The following PIGL variants were observed in gnomAD, a reference collection of about 807,000 sequenced individuals.
PIGL encodes the protein N-acetylglucosaminyl-phosphatidylinositol de-N-acetylase.
Under a neutral mutation model 31.1 loss-of-function variants are expected in PIGL, and 22 were observed. The ratio of observed to expected loss-of-function variants is 0.71; its 90% CI spans 0.51 to 1.01. The LOEUF is 1.01. Among genes scored for constraint, PIGL ranks in the 50% least tolerant of loss-of-function variants. The probability of loss-of-function intolerance (pLI) is 0.00; values close to 1 mark genes in which losing one functional copy is unlikely to be tolerated. For missense variants in PIGL, 302 were observed against 315.9 expected, an observed-to-expected ratio of 0.96 and a Z score of 0.33; for synonymous variants, 131 against 117.4, an observed-to-expected ratio of 1.12 and a Z score of -0.75.
intron 4 of PIGL, among the ~76,000 whole-genome samples, chr17:16,315,860 G>A (rs1015978063): frequency 6.6e-6 from 1 of 151,472 alleles, no homozygotes; most frequent in Non-Finnish European, 1.5e-5. Flanking sequence ...ACCACGCCCG[G>A]TTAATTTTTG....
chr17:16,259,245 A>G (rs1461341443), intron 2 of PIGL, among the ~76,000 whole-genome samples: 1 of 151,980 alleles, frequency 6.6e-6, no homozygotes, highest in East Asian at 1.9e-4. Flanking sequence ...TTTCTTTTAA[A>G]TAATACATTC....
intron 2 of PIGL, among the ~76,000 whole-genome samples, chr17:16,263,519 G>GTT (rs142684710): frequency 6.7e-6 from 1 of 148,842 alleles, no homozygotes; most frequent in African/African-American, 2.5e-5. Context: ...TTTTGTTTAG[G>GTT]TTTTTTTTTG....
intron 2 of PIGL, among the ~76,000 whole-genome samples, chr17:16,252,560 A>C (rs964120723): frequency 6.7e-6 from 1 of 149,898 alleles, no homozygotes; most frequent in East Asian, 1.9e-4. Flanking sequence ...TTACTTTAAA[A>C]GTTATATACA....
chr17:16,234,484 C>T (rs2092691682), intron 2 of PIGL, among the ~76,000 whole-genome samples: 1 of 151,942 alleles, frequency 6.6e-6, no homozygotes, highest in African/African-American at 2.4e-5. Context: ...AACTTCACAG[C>T]GGGGCACAGT....
intron 2 of PIGL, among the ~76,000 whole-genome samples, chr17:16,259,383 C>T (rs79555752): frequency 6.6e-6 from 1 of 150,452 alleles, no homozygotes; most frequent in Non-Finnish European, 1.5e-5. Flanking sequence ...CTCTTTTCAA[C>T]AAATGGTGAT....
chr17:16,227,649 C>T (rs1389989443), intron 1 of PIGL, among the ~76,000 whole-genome samples: 3 of 133,544 alleles, frequency 2.2e-5, no homozygotes, highest in African/African-American at 8.7e-5. Context: ...GGCATGATCT[C>T]GGCTCACTGC....
At chr17:16,285,769 T>C (rs2092934894) in intron 2 of PIGL, among the ~76,000 whole-genome samples, 3 of 150,496 alleles carry the variant, frequency 2.0e-5, no homozygotes, top group Non-Finnish European at 2.9e-5. Flanking sequence ...CAGATCGCCT[T>C]TTCCTTCTCT....
chr17:16,218,023 ACCT>A (rs2092603159), intron 1 of PIGL: 1 of 152,384 alleles, frequency 6.6e-6, no homozygotes, highest in South Asian at 2.1e-4. Flanking sequence ...CAGTGAAGGA[ACCT>A]TTCAAATAAT....
chr17:16,217,714 C>T, intron 1 of PIGL: 3 of 494,624 alleles, frequency 6.1e-6, no homozygotes, highest in Non-Finnish European at 3.6e-6. Context: ...TGGTTGTATT[C>T]AGTACCTGCA....
intron 1 of PIGL, among the ~76,000 whole-genome samples, chr17:16,227,578 C>CTTTTTTTTT: frequency 9.7e-6 from 1 of 103,196 alleles, no homozygotes; most frequent in Non-Finnish European, 1.9e-5. Context: ...ATTTTCTTTT[C>CTTTTTTTTT]TTTTTTTTTT....
intron 2 of PIGL, among the ~76,000 whole-genome samples, chr17:16,263,752 A>T (rs554816988): frequency 6.7e-6 from 1 of 148,782 alleles, no homozygotes; most frequent in Admixed American, 6.7e-5. Context: ...TGATCTCCTG[A>T]CCTCATGATC....
chr17:16,273,832 G>A lies in PIGL; in HGVS notation c.336-26056G>A, dbSNP rs77198349. 4.2e-3 allele frequency among the ~76,000 whole-genome samples: 646 copies of A among 152,282 alleles called. 8 individuals are homozygous for A. Among genetic ancestry groups the A allele is most frequent in the African/African-American group, 0.015 (603 of 41,542 alleles). ...ACCAAAAATATCACTCTGCCTAAAG[G>A]GGGGAAACATTTCTTTGAGGGAAAA... is the stretch of plus-strand genomic sequence containing the variant. On this transcript the variant is annotated intron_variant, in intron 2 of 6. Coordinates refer to ENST00000225609, the MANE Select transcript of PIGL (RefSeq NM_004278.4).
chr17:16,258,032 C>T (rs2092801797), intron 2 of PIGL, among the ~76,000 whole-genome samples: 3 of 132,100 alleles, frequency 2.3e-5, no homozygotes, highest in Admixed American at 1.7e-4. Flanking sequence ...CACTGCACTC[C>T]AGCCTGGGCC....
At chr17:16,317,986 C>A in intron 6 of PIGL, 78 bp downstream of exon 6, 1 of 1,274,814 alleles carries the variant, frequency 7.8e-7, no homozygotes, top group Non-Finnish European at 1.1e-6. Flanking sequence ...CCCACCTCTG[C>A]AGAAGCCCTA....
At chr17:16,307,626 C>T (rs576558958) in intron 3 of PIGL, among the ~76,000 whole-genome samples, 2 of 152,208 alleles carry the variant, frequency 1.3e-5, no homozygotes, top group African/African-American at 4.8e-5. Flanking sequence ...AGAGTAAGTG[C>T]TCAGTAATGT....
intron 2 of PIGL, among the ~76,000 whole-genome samples, chr17:16,281,198 T>C (rs2092915362): frequency 6.6e-6 from 1 of 152,214 alleles, no homozygotes; most frequent in East Asian, 1.9e-4. Flanking sequence ...CCTGAGAATT[T>C]AGCCACAGAC....
At chr17:16,306,257 C>G (rs767601747) in intron 3 of PIGL, among the ~76,000 whole-genome samples, 1 of 151,730 alleles carries the variant, frequency 6.6e-6, no homozygotes, top group Non-Finnish European at 1.5e-5. Context: ...CCTCGCTGTA[C>G]AGTTTTTAAA....
At chr17:16,317,980 C>A in intron 6 of PIGL, 72 bp downstream of exon 6, 2 of 1,331,744 alleles carry the variant, frequency 1.5e-6, no homozygotes, top group Non-Finnish European at 1.1e-6. Context: ...CAAAGCCCCA[C>A]CTCTGCAGAA....
At chr17:16,284,387 A>T (rs189823749) in intron 2 of PIGL, among the ~76,000 whole-genome samples, 2 of 152,310 alleles carry the variant, frequency 1.3e-5, no homozygotes, top group Admixed American at 1.3e-4. Flanking sequence ...TTCATAGTTT[A>T]AAACAAAGAT....
Sources: allele counts gnomAD v4.1 joint callset (sites outside exome capture counted in the v4.1 genomes callset), GRCh38; gene constraint gnomAD v4.1.1; transcripts MANE v1.5; gene names NCBI Gene and HGNC (gene_info 2026-07-23, HGNC 2026-07-21).